The following HSDL2 variants were observed in gnomAD, a reference collection of about 807,000 sequenced individuals.
HSDL2 encodes the protein hydroxysteroid dehydrogenase-like protein 2.
HSDL2 carries 27 observed loss-of-function variants against 46.3 expected under a neutral mutation model. The observed-to-expected ratio is 0.58, with a 90% CI of 0.43 to 0.80. HSDL2 has a LOEUF of 0.80. HSDL2 is among the 30% of genes least tolerant of loss of function. HSDL2 has a pLI of 0.00. For missense variants in HSDL2, 451 were observed against 502.7 expected (o/e 0.90, Z 0.98); for synonymous variants, 153 against 163.6 (o/e 0.94, Z 0.50).
At chr9:112,400,693 C>G (rs1831570228) in intron 1 of HSDL2, among the ~76,000 whole-genome samples, 1 of 152,186 alleles carries the variant, frequency 6.6e-6, no homozygotes, top group Non-Finnish European at 1.5e-5. Flanking sequence ...ATTCTGAAAT[C>G]AAGATGTCAG....
intron 10 of HSDL2, among the ~76,000 whole-genome samples, chr9:112,460,464 A>G (rs1486922107): frequency 1.3e-5 from 2 of 152,244 alleles, no homozygotes; most frequent in Admixed American, 1.3e-4. Context: ...ATTAGAAAAT[A>G]TAGGCCAGGC....
intron 1 of HSDL2, among the ~76,000 whole-genome samples, chr9:112,393,573 G>A (rs62569972): frequency 1.2e-4 from 18 of 152,218 alleles, no homozygotes; most frequent in African/African-American, 1.7e-4. Flanking sequence ...TTGGTGTAAC[G>A]CCACTCTGGC....
In HSDL2 at chr9:112,405,728, A is replaced by G. The variant is rs1831711076; in HGVS notation, c.280+6A>G. The G allele has an allele frequency of 6.5e-7, 1 of 1,540,312 alleles. No individual in the cohort carries two copies. Among genetic ancestry groups the G allele is most frequent in the Non-Finnish European group, 8.9e-7 (1 of 1,122,350 alleles). On this transcript the variant is annotated splice_donor_region_variant and intron_variant, in intron 3 of 10. Coordinates refer to ENST00000398805, the MANE Select transcript of HSDL2 (RefSeq NM_032303.5). ...AGCCATCAAGAAATTTGGAGGTAAT[A>G]CCTTCATTCTGAAAAAATTATTGGA...
At chr9:112,413,485 C>G (rs1006280364) in intron 4 of HSDL2, among the ~76,000 whole-genome samples, 2 of 92,378 alleles carry the variant, frequency 2.2e-5, no homozygotes, top group Admixed American at 1.4e-4. Context: ...AATTCCCTCT[C>G]AAAAAAAAAG....
intron 1 of HSDL2, among the ~76,000 whole-genome samples, chr9:112,397,897 A>C (rs1435949666): frequency 6.6e-6 from 1 of 152,200 alleles, no homozygotes; most frequent in African/African-American, 2.4e-5. Flanking sequence ...GGCCTAAATC[A>C]ATGCACTTGT....
At chr9:112,441,523 A>T (rs1832637144) in intron 7 of HSDL2, among the ~76,000 whole-genome samples, 176 bp from the exon 8 acceptor site, 1 of 152,222 alleles carries the variant, frequency 6.6e-6, no homozygotes, top group Non-Finnish European at 1.5e-5. Flanking sequence ...GAGAAAGATA[A>T]CTGAATTATG....
chr9:112,459,456 T>A lies in HSDL2; in HGVS notation c.1023T>A (p.Asp341Glu), dbSNP rs1489077886. 1 of 1,613,978 alleles carries A rather than the reference T, an allele frequency of 6.2e-7. No individual in the cohort carries two copies. The highest frequency in any genetic ancestry group is 1.1e-5 in the South Asian group (1 of 91,078). ...AIYLFELSGE[D>E]GGTWFLDLKS... ...ATATGTTTATCTCTCTAGGTGAAGATGGTGGCACGTGGTTTCTTGATCTGA... is the reference window on the plus strand; with the variant it reads ...ATATGTTTATCTCTCTAGGTGAAGAAGGTGGCACGTGGTTTCTTGATCTGA... The change falls in exon 10 of 11, where the codon GAT becomes GAA. Residue 341 changes from aspartate to glutamate, a missense_variant. By Grantham distance (45) the Asp-to-Glu change is conservative (BLOSUM62 2). Coordinates refer to ENST00000398805, the MANE Select transcript of HSDL2 (RefSeq NM_032303.5).
chr9:112,395,930 C>T (rs368849090), intron 1 of HSDL2, among the ~76,000 whole-genome samples: 1 of 152,174 alleles, frequency 6.6e-6, no homozygotes, highest in East Asian at 1.9e-4. Context: ...TCAGATTTCC[C>T]TCGTAGAGGA....
intron 6 of HSDL2, among the ~76,000 whole-genome samples, chr9:112,424,463 C>T (rs963407386): frequency 5.7e-4 from 86 of 152,114 alleles, no homozygotes; most frequent in African/African-American, 2.0e-3. Flanking sequence ...ATTTTCTGTG[C>T]AGGTAATAAT....
intron 1 of HSDL2, among the ~76,000 whole-genome samples, chr9:112,383,125 G>GT (rs1412239822): frequency 6.6e-6 from 1 of 151,936 alleles, no homozygotes; most frequent in Non-Finnish European, 1.5e-5. Flanking sequence ...CCAGGCTTGA[G>GT]TGCAGTGGTG....
At chr9:112,468,859 G>T (rs1833477782) in intron 10 of HSDL2, among the ~76,000 whole-genome samples, 1 of 152,142 alleles carries the variant, frequency 6.6e-6, no homozygotes, top group Non-Finnish European at 1.5e-5. Context: ...TATGGGCAAG[G>T]CTCTGCAAAG....
intron 8 of HSDL2, among the ~76,000 whole-genome samples, chr9:112,449,272 A>T (rs1832825134): frequency 6.6e-6 from 1 of 151,758 alleles, no homozygotes; most frequent in African/African-American, 2.4e-5. Flanking sequence ...TTTTTAGTAG[A>T]GACGGGGTTT....
At chr9:112,419,794 G>A (rs1043861281) in intron 6 of HSDL2, among the ~76,000 whole-genome samples, 3 of 152,088 alleles carry the variant, frequency 2.0e-5, no homozygotes, top group African/African-American at 7.2e-5. Flanking sequence ...GCCTGGGCTT[G>A]GTGTGCAAAT....
chr9:112,459,554 A>T lies in HSDL2; in HGVS notation c.1121A>T (p.Asp374Val). ...QADVVMSMTT[D>V]DFVKMFSGKL... ...GATGTGGTGATGAGTATGACTACTG[A>T]TGACTTTGTAAAAATGTTTTCAGGT... is the stretch of plus-strand genomic sequence containing the variant. Residue 374 changes from aspartate (D) to valine (V), a missense_variant, in exon 10 of 11, where the codon GAT (aspartate) becomes GTT (valine). By Grantham distance (152) the Asp-to-Val change is radical. Coordinates refer to ENST00000398805, the MANE Select transcript of HSDL2 (RefSeq NM_032303.5). The T allele has an allele frequency of 6.2e-7, 1 of 1,613,708 alleles. No homozygotes were observed. Among genetic ancestry groups the T allele is most frequent in the Non-Finnish European group, 8.5e-7 (1 of 1,179,662 alleles).
At chr9:112,385,043 A>G (rs1831186157) in intron 1 of HSDL2, among the ~76,000 whole-genome samples, 1 of 152,154 alleles carries the variant, frequency 6.6e-6, no homozygotes, top group African/African-American at 2.4e-5. Flanking sequence ...AGGCTAGGTC[A>G]CCACGACCTG....
intron 2 of HSDL2, 142 bp downstream of exon 2, chr9:112,404,300 C>T: frequency 1.3e-6 from 1 of 763,256 alleles, no homozygotes; most frequent in Non-Finnish European, 2.0e-6. Flanking sequence ...TATGTTGTCA[C>T]CTTGGGGCAG....
At chr9:112,388,484 G>A (rs1357786765) in intron 1 of HSDL2, among the ~76,000 whole-genome samples, 3 of 142,334 alleles carry the variant, frequency 2.1e-5, no homozygotes, top group Non-Finnish European at 4.5e-5. Flanking sequence ...AAAAAAATAC[G>A]CCAGGTGTGG....
intron 3 of HSDL2, among the ~76,000 whole-genome samples, chr9:112,408,322 A>G (rs1027377143): frequency 2.0e-5 from 3 of 152,150 alleles, no homozygotes; most frequent in Non-Finnish European, 2.9e-5. Context: ...GCTACAAACC[A>G]CCGAAGACTA....
At chr9:112,446,072 T>C (rs1832752972) in intron 8 of HSDL2, among the ~76,000 whole-genome samples, 1 of 151,764 alleles carries the variant, frequency 6.6e-6, no homozygotes, top group African/African-American at 2.4e-5. Context: ...ATAGCCTCCA[T>C]TGCCTGTGGC....
Sources: gnomAD v4.1 joint callset for allele counts (sites outside exome capture counted in the v4.1 genomes callset) on GRCh38, gnomAD v4.1.1 for gene constraint, MANE v1.5 for transcripts, NCBI Gene and HGNC (gene_info 2026-07-23, HGNC 2026-07-21) for gene names.